DLC1: variants seen among roughly 807,000 people sequenced by gnomAD.
DLC1 encodes rho GTPase-activating protein 7.
In DLC1, 54 loss-of-function variants were observed where a neutral mutation model predicts 140.3. That is an observed-to-expected ratio of 0.38 (90% CI 0.31 to 0.48). The LOEUF is 0.48. Among genes scored for constraint, DLC1 ranks in the 20% least tolerant of loss-of-function variants. The probability of loss-of-function intolerance (pLI) is 0.96; values close to 1 mark genes in which losing one functional copy is unlikely to be tolerated. For missense variants in DLC1, 2,536 were observed against 1,907.0 expected (o/e 1.33, Z -6.14); for synonymous variants, 986 against 728.1 (o/e 1.35, Z -5.70).
At chr8:13,186,080 G>A (rs1418168028) in intron 5 of DLC1, among the ~76,000 whole-genome samples, 2 of 151,864 alleles carry the variant, frequency 1.3e-5, no homozygotes, top group South Asian at 2.1e-4. Flanking sequence ...TGCCCGTAAC[G>A]CTTTTTTCTG....
At chr8:13,243,881 G>C (rs1345231229) in intron 5 of DLC1, among the ~76,000 whole-genome samples, 1 of 152,112 alleles carries the variant, frequency 6.6e-6, no homozygotes, top group East Asian at 1.9e-4. Flanking sequence ...TCTTTTGACT[G>C]TCCCTCTCTC....
At chr8:13,157,282 A>G (rs572472443) in intron 5 of DLC1, among the ~76,000 whole-genome samples, 1 of 152,348 alleles carries the variant, frequency 6.6e-6, no homozygotes, top group African/African-American at 2.4e-5. Flanking sequence ...AAGAAAAAAA[A>G]GAATACGTGC....
chr8:13,434,309 C>T (rs968164355), intron 2 of DLC1, among the ~76,000 whole-genome samples: 2 of 152,208 alleles, frequency 1.3e-5, no homozygotes, highest in Non-Finnish European at 2.9e-5. Flanking sequence ...CTCTTTTTAT[C>T]AGATAACTCT....
intron 5 of DLC1, among the ~76,000 whole-genome samples, chr8:13,117,341 G>A (rs1820641953): frequency 6.6e-6 from 1 of 151,812 alleles, no homozygotes. Context: ...AGTCAGGTGT[G>A]GTGGTGTGCT....
intron 5 of DLC1, among the ~76,000 whole-genome samples, chr8:13,162,109 C>T (rs28648818): frequency 0.14 from 21,289 of 152,116 alleles, 4,257 homozygotes; most frequent in African/African-American, 0.45. Context: ...GGTTGGAAAC[C>T]ACTGCTATAT....
intron 1 of DLC1, among the ~76,000 whole-genome samples, chr8:13,500,868 A>G (rs1260565773): frequency 6.6e-6 from 1 of 152,170 alleles, no homozygotes; most frequent in Admixed American, 6.5e-5. Context: ...TACTACTGCT[A>G]CTACTAGCTT....
chr8:13,473,907 A>G (rs757449686), intron 2 of DLC1, among the ~76,000 whole-genome samples: 2 of 152,226 alleles, frequency 1.3e-5, no homozygotes. Flanking sequence ...AAGAAAGCAG[A>G]GTATTAAAGT....
At chr8:13,593,979 G>C (rs1805604679) in intron 1 of DLC1, among the ~76,000 whole-genome samples, 1 of 152,198 alleles carries the variant, frequency 6.6e-6, no homozygotes, top group East Asian at 1.9e-4. Flanking sequence ...GGGCAACTTA[G>C]TGAGACCCTG....
At chr8:13,311,995 C>T (rs1387047092) in intron 4 of DLC1, among the ~76,000 whole-genome samples, 1 of 152,174 alleles carries the variant, frequency 6.6e-6, no homozygotes, top group East Asian at 1.9e-4. Flanking sequence ...TGACAAAGCT[C>T]TGGTTGAGGC....
chr8:13,173,646 A>C (rs2410027), intron 5 of DLC1, among the ~76,000 whole-genome samples: 1 of 151,962 alleles, frequency 6.6e-6, no homozygotes, highest in East Asian at 1.9e-4. Context: ...CTGAGATTAC[A>C]GGCTTGAGCC....
chr8:13,462,396 C>CTT (rs869264457), intron 2 of DLC1, among the ~76,000 whole-genome samples: 22 of 131,100 alleles, frequency 1.7e-4, no homozygotes, highest in African/African-American at 2.3e-4. Flanking sequence ...CATTACTATT[C>CTT]TTTTTTTTTT....
intron 2 of DLC1, among the ~76,000 whole-genome samples, chr8:13,448,240 G>T (rs1370592628): frequency 2.0e-5 from 3 of 152,154 alleles, no homozygotes; most frequent in Non-Finnish European, 4.4e-5. Flanking sequence ...TGGAAAAAAG[G>T]TTGGGAATGA....
At chr8:13,129,824 T>C (rs144727361) in intron 5 of DLC1, among the ~76,000 whole-genome samples, 76 of 152,316 alleles carry the variant, frequency 5.0e-4, no homozygotes, top group African/African-American at 8.7e-4. Flanking sequence ...AGGGGAAACA[T>C]CTGAAGTTAT....
chr8:13,514,626 C>T lies in DLC1; in HGVS notation c.-150G>A, dbSNP rs561272449. On this transcript the variant is annotated 5_prime_UTR_variant, in exon 1 of 18. It introduces an in-frame stop codon into an upstream open reading frame of the 5' UTR. Coordinates refer to ENST00000276297, the MANE Select transcript of DLC1 (RefSeq NM_182643.3). ...CCTAGACAACGAGGAGCTGAAACGC[C>T]AAGGCATGACACTGCTCAACACTCA... 3.3e-5 allele frequency: 13 copies of T among 398,550 alleles called. No homozygotes were observed. The highest frequency in any genetic ancestry group is 2.5e-4 in the African/African-American group (12 of 48,746). 24.7% of individuals were successfully genotyped at this position (398,550 alleles called of 1,614,324 possible).
At chr8:13,446,009 T>C (rs1287025273) in intron 2 of DLC1, among the ~76,000 whole-genome samples, 2 of 152,262 alleles carry the variant, frequency 1.3e-5, no homozygotes, top group East Asian at 1.9e-4. Flanking sequence ...TTGACTGAAA[T>C]AGTGATCAGC....
intron 5 of DLC1, among the ~76,000 whole-genome samples, chr8:13,130,234 C>G (rs534022859): frequency 3.7e-4 from 57 of 152,226 alleles, no homozygotes; most frequent in Non-Finnish European, 7.2e-4. Flanking sequence ...TTTGAAACCA[C>G]CTCTTGGAAT....
At chr8:13,090,829 A>T (rs1470561057) in intron 14 of DLC1, among the ~76,000 whole-genome samples, 6 of 139,192 alleles carry the variant, frequency 4.3e-5, no homozygotes, top group Admixed American at 3.6e-4. Flanking sequence ...TTTTTGAGAG[A>T]GAGTTTCATT....
chr8:13,565,166 A>ATTT (rs2117391509), intron 1 of DLC1, among the ~76,000 whole-genome samples: 1 of 152,334 alleles, frequency 6.6e-6, no homozygotes, highest in South Asian at 2.1e-4. Flanking sequence ...TTACAAGGAA[A>ATTT]TTAATTATAG....
At chr8:13,230,191 A>G (rs1267351574) in intron 5 of DLC1, among the ~76,000 whole-genome samples, 1 of 152,170 alleles carries the variant, frequency 6.6e-6, no homozygotes, top group African/African-American at 2.4e-5. Context: ...TAGCCAATAA[A>G]CCATTTCTGG....
Sources: allele counts gnomAD v4.1 joint callset (sites outside exome capture counted in the v4.1 genomes callset), GRCh38; gene constraint gnomAD v4.1.1; transcripts MANE v1.5; gene names NCBI Gene and HGNC (gene_info 2026-07-23, HGNC 2026-07-21).